The following ANO5 variants were observed in gnomAD, a reference collection of about 807,000 sequenced individuals.
ANO5 encodes anoctamin-5.
Under a neutral mutation model 121.0 loss-of-function variants are expected in ANO5, and 109 were observed. The ratio of observed to expected loss-of-function variants is 0.90; its 90% confidence interval spans 0.77 to 1.06. The LOEUF (loss-of-function observed/expected upper bound fraction) is 1.06. Ranked by LOEUF, ANO5 falls within the 50% of genes least tolerant of loss-of-function variation. The pLI is 0.00. For missense variants in ANO5, 1,064 were observed against 1,078.5 expected, an observed-to-expected ratio of 0.99 and a Z score of 0.19; for synonymous variants, 406 against 359.9, an observed-to-expected ratio of 1.13 and a Z score of -1.45.
intron 3 of ANO5, among the ~76,000 whole-genome samples, chr11:22,212,051 G>A (rs1852295057): frequency 6.6e-6 from 1 of 151,010 alleles, no homozygotes; most frequent in Non-Finnish European, 1.5e-5. Flanking sequence ...GAAATCCACA[G>A]ATCAAATAAC....
In ANO5 at chr11:22,278,521, G is replaced by T. The variant is rs192770463; in HGVS notation, c.2521-1023G>T. On this transcript the variant is annotated intron_variant, in intron 21 of 21. Coordinates refer to ENST00000324559, the MANE Select transcript of ANO5 (RefSeq NM_213599.3). ...TCTTTTACTCCTTTCCTTATATCTG[G>T]TTCTTTTCCTTTTTTTTTTTTTTTC... is the stretch of plus-strand genomic sequence containing the variant. Among the ~76,000 whole-genome samples, 620 of 140,598 alleles carry T rather than the reference G, an allele frequency of 4.4e-3. 3 individuals carry two copies. Among genetic ancestry groups the T allele is most frequent in the African/African-American group, 0.016 (579 of 36,106 alleles). 92.2% of individuals were successfully genotyped at this position (140,598 alleles called of 152,430 possible). A position where few individuals can be genotyped will look rare whatever the true frequency, so the allele number is the denominator to read the frequency against.
In ANO5 at chr11:22,196,337, A is replaced by T. The variant is rs1180720432; in HGVS notation, c.40+2805A>T. On this transcript the variant is annotated intron_variant, in intron 1 of 21. Transcript: ENST00000324559. Reference sequence around the variant, plus strand: ...AATGTAACTGTTGCACTCCCATGAGAATGGCATGAATTCATTCATGAGGAT... The same window carrying T: ...AATGTAACTGTTGCACTCCCATGAGTATGGCATGAATTCATTCATGAGGAT... Among the ~76,000 whole-genome samples, 2 of 152,074 alleles carry T rather than the reference A, an allele frequency of 1.3e-5. 1 individual carries two copies. Among genetic ancestry groups the T allele is most frequent in the Admixed American group, 1.3e-4 (2 of 15,266 alleles).
intron 17 of ANO5, among the ~76,000 whole-genome samples, chr11:22,269,946 C>A (rs1854548107): frequency 6.6e-6 from 1 of 152,000 alleles, no homozygotes; most frequent in African/African-American, 2.4e-5. Context: ...TAGTCAATTT[C>A]ATATTTGTTT....
chr11:22,205,576 T>TA (rs1414645596), intron 2 of ANO5, among the ~76,000 whole-genome samples: 1 of 145,416 alleles, frequency 6.9e-6, no homozygotes, highest in Non-Finnish European at 1.5e-5. Context: ...ATAAAATAAA[T>TA]AAAAGGAAAG....
At chr11:22,269,243 GAAA>G (rs1206506808) in intron 17 of ANO5, among the ~76,000 whole-genome samples, 52 of 72,382 alleles carry the variant, frequency 7.2e-4, no homozygotes, top group African/African-American at 2.9e-3. Context: ...GAAGGAAGGA[GAAA>G]AAAAGAAAGA....
chr11:22,214,596 G>T (rs913253776), intron 3 of ANO5, among the ~76,000 whole-genome samples: 3 of 152,028 alleles, frequency 2.0e-5, no homozygotes, highest in Admixed American at 6.6e-5. Context: ...AACCCAGAAG[G>T]AAGAACTCAT....
chr11:22,196,603 G>C (rs1354775153), intron 1 of ANO5, among the ~76,000 whole-genome samples: 2 of 151,448 alleles, frequency 1.3e-5, no homozygotes, highest in Non-Finnish European at 2.9e-5. Context: ...GGGTGTGTTG[G>C]CTCACGCCTG....
intron 5 of ANO5, among the ~76,000 whole-genome samples, chr11:22,223,295 C>A (rs1852717771): frequency 6.6e-6 from 1 of 152,014 alleles, no homozygotes; most frequent in African/African-American, 2.4e-5. Flanking sequence ...GCTTATGGGA[C>A]AAAGTCTGGA....
chr11:22,250,156 A>T, intron 9 of ANO5, 81 bp from the exon 10 acceptor site: 2 of 1,336,746 alleles, frequency 1.5e-6, no homozygotes, highest in South Asian at 2.5e-5. Flanking sequence ...ATTAGAATAT[A>T]TGCCTGTCTG....
intron 17 of ANO5, among the ~76,000 whole-genome samples, chr11:22,267,236 C>T (rs1351469177): frequency 1.3e-5 from 2 of 151,868 alleles, no homozygotes; most frequent in African/African-American, 4.8e-5. Context: ...ATTTTTTATA[C>T]ATTTTAACAT....
At chr11:22,201,675 TG>T (rs756940783) in intron 1 of ANO5, among the ~76,000 whole-genome samples, 14 of 152,144 alleles carry the variant, frequency 9.2e-5, no homozygotes, top group Non-Finnish European at 1.6e-4. Flanking sequence ...TGTCATAACA[TG>T]GTGGAAGGCA....
chr11:22,195,933 G>A (rs1311689746), intron 1 of ANO5, among the ~76,000 whole-genome samples: 1 of 152,126 alleles, frequency 6.6e-6, no homozygotes, highest in African/African-American at 2.4e-5. Context: ...CAAGCATCAG[G>A]GAAGTGTGGC....
chr11:22,230,401 G>A (rs1325396864), intron 7 of ANO5, among the ~76,000 whole-genome samples: 1 of 151,964 alleles, frequency 6.6e-6, no homozygotes, highest in African/African-American at 2.4e-5. Context: ...CTAATAATAT[G>A]TAATATATGG....
At chr11:22,218,211 C>A (rs1301553504) in intron 3 of ANO5, 35 bp from the exon 4 acceptor site, 1 of 1,611,904 alleles carries the variant, frequency 6.2e-7, no homozygotes, top group African/African-American at 1.3e-5. Context: ...TAATTCTGGG[C>A]AGGAAGTGCT....
At position 22,227,935 on chromosome 11, in the gene ANO5, C is replaced by T. The variant is rs191747657; in HGVS notation, c.648+349C>T. Among the ~76,000 whole-genome samples, 40 of 152,156 alleles carry T rather than the reference C, an allele frequency of 2.6e-4. 1 individual carries two copies. The East Asian group carries it at 7.7e-3, about 29-fold the overall frequency. On this transcript the variant is annotated intron_variant, in intron 7 of 21. Transcript: ENST00000324559. ...AACTTGGAGTTTGGTTTTATACAGTCAGTGCATAGTAAAGGAACTATCATT... is the reference window on the plus strand; with the variant it reads ...AACTTGGAGTTTGGTTTTATACAGTTAGTGCATAGTAAAGGAACTATCATT...
intron 21 of ANO5, among the ~76,000 whole-genome samples, chr11:22,276,503 A>G (rs1322344742): frequency 6.6e-6 from 1 of 151,798 alleles, no homozygotes; most frequent in Non-Finnish European, 1.5e-5. Context: ...CCTATTACTT[A>G]CTAGTTCCAG....
chr11:22,195,706 A>G (rs1851789467), intron 1 of ANO5, among the ~76,000 whole-genome samples: 1 of 152,140 alleles, frequency 6.6e-6, no homozygotes, highest in Admixed American at 6.5e-5. Context: ...TGCTGGGATT[A>G]CAGATGTGAG....
intron 14 of ANO5, 51 bp from the exon 15 acceptor site, chr11:22,259,468 A>G: frequency 6.7e-7 from 1 of 1,485,580 alleles, no homozygotes; most frequent in South Asian, 1.1e-5. Context: ...ATATATATTC[A>G]TAACAGAGAT....
At chr11:22,214,493 G>A (rs1852378203) in intron 3 of ANO5, among the ~76,000 whole-genome samples, 2 of 152,018 alleles carry the variant, frequency 1.3e-5, no homozygotes, top group Non-Finnish European at 1.5e-5. Flanking sequence ...CAAAGATGGG[G>A]TGTAAGGGAA....
Sources: gnomAD v4.1 joint callset for allele counts (sites outside exome capture counted in the v4.1 genomes callset) on GRCh38, gnomAD v4.1.1 for gene constraint, MANE v1.5 for transcripts, NCBI Gene and HGNC (gene_info 2026-07-23, HGNC 2026-07-21) for gene names.